USP44: variants seen among roughly 807,000 people sequenced by gnomAD.
USP44 encodes ubiquitin carboxyl-terminal hydrolase 44.
Under a neutral mutation model 69.0 loss-of-function variants are expected in USP44, and 61 were observed. The observed-to-expected ratio is 0.88, with a 90% confidence interval of 0.72 to 1.09. The LOEUF (loss-of-function observed/expected upper bound fraction) is 1.09. USP44 is among the 50% of genes least tolerant of loss of function. The pLI is 0.00. For missense variants in USP44, 753 were observed against 849.9 expected (o/e 0.89, Z 1.42); for synonymous variants, 297 against 295.4 (o/e 1.01, Z -0.06).
At chr12:95,521,898 AG>A (rs1194638774) in intron 4 of USP44, 7 of 349,286 alleles carry the variant, frequency 2.0e-5, no homozygotes, top group African/African-American at 1.3e-4. Flanking sequence ...AAAACAAAAC[AG>A]GGCATCTCTA....
chr12:95,541,266 ACT>A (rs1038347752), intron 1 of USP44, among the ~76,000 whole-genome samples: 1 of 152,040 alleles, frequency 6.6e-6, no homozygotes, highest in African/African-American at 2.4e-5. Context: ...ACAGAGTGAA[ACT>A]CTGTTTCAAA....
intron 1 of USP44, among the ~76,000 whole-genome samples, chr12:95,542,760 A>C (rs553118945): frequency 1.8e-4 from 27 of 148,260 alleles, no homozygotes; most frequent in South Asian, 8.6e-4. Context: ...CAAAAAAAAA[A>C]CCAAAACACA....
At chr12:95,530,780 TA>T (rs1249255463) in intron 2 of USP44, among the ~76,000 whole-genome samples, 1 of 152,034 alleles carries the variant, frequency 6.6e-6, no homozygotes, top group East Asian at 1.9e-4. Flanking sequence ...GACTCTGTCA[TA>T]AGGAAGTCAG....
At chr12:95,520,007 C>CAAAAAAAA (rs56348745) in intron 5 of USP44, among the ~76,000 whole-genome samples, 31 of 34,528 alleles carry the variant, frequency 9.0e-4, no homozygotes, top group African/African-American at 2.7e-3. Context: ...GACTCTGTCT[C>CAAAAAAAA]AAAAAAAAAA....
Position 95,520,702 on chromosome 12 carries a change from A to C in USP44, c.1939+295T>G, listed in dbSNP as rs76841585. Among the ~76,000 whole-genome samples, 224 of 152,316 alleles carry C rather than the reference A, an allele frequency of 1.5e-3. 1 individual carries two copies. The highest frequency in any genetic ancestry group is 5.2e-3 in the African/African-American group (216 of 41,574). On this transcript the variant is annotated intron_variant, in intron 5 of 5. Transcript: ENST00000258499. ...ACTGAAGTAAACCAGTAAACATACG[A>C]TCTGCTTTTTGAAGTGTGTCTTTAA...
intron 5 of USP44, 140 bp from the exon 6 acceptor site, chr12:95,518,493 G>T: frequency 1.2e-6 from 1 of 845,686 alleles, no homozygotes; most frequent in Admixed American, 2.8e-5. Context: ...TATAGATTGG[G>T]CAGTGTTACC....
chr12:95,539,867 C>G (rs1189335579), intron 1 of USP44, among the ~76,000 whole-genome samples: 1 of 152,174 alleles, frequency 6.6e-6, no homozygotes, highest in African/African-American at 2.4e-5. Flanking sequence ...GATTTTTAAT[C>G]AACCGTTTAT....
At chr12:95,537,421 C>A (rs548737966) in intron 1 of USP44, among the ~76,000 whole-genome samples, 2 of 152,072 alleles carry the variant, frequency 1.3e-5, no homozygotes, top group Non-Finnish European at 2.9e-5. Flanking sequence ...TGGGTTCAAG[C>A]GATTCTCCTG....
Position 95,518,027 on chromosome 12 carries a change from G to A in USP44, c.*127C>T, listed in dbSNP as rs532820212. ...TTTATACTTTGTAAAAAAAAAAATT[G>A]TTAGATATAAAATGTATAAATGTAG... On this transcript the variant is annotated 3_prime_UTR_variant, in exon 6 of 6. Coordinates refer to ENST00000258499, the MANE Select transcript of USP44 (RefSeq NM_032147.5). 31 of 982,628 alleles carry A rather than the reference G, an allele frequency of 3.2e-5. No individual in the cohort carries two copies. The highest frequency in any genetic ancestry group is 2.8e-4 in the Middle Eastern group (1 of 3,588). The allele number at this position is 982,628 out of a possible 1,614,324, so 60.9% of individuals were successfully genotyped here.
At position 95,529,006 on chromosome 12, in the gene USP44, C is replaced by A. The variant is rs769514915; in HGVS notation, c.1429-4G>T. 3 of 1,602,200 alleles carry A rather than the reference C, an allele frequency of 1.9e-6. No individual in the cohort carries two copies. The East Asian group carries it at 6.7e-5, about 36-fold the overall frequency. On this transcript the variant is annotated splice_region_variant and splice_polypyrimidine_tract_variant and intron_variant, in intron 2 of 5. Coordinates refer to ENST00000258499, the MANE Select transcript of USP44 (RefSeq NM_032147.5). ...TGTCACATGCAAGACATGTAACCTG[C>A]AAATGAGAATATGAGTTCCTAAGAT... is the stretch of plus-strand genomic sequence containing the variant.
intron 1 of USP44, among the ~76,000 whole-genome samples, chr12:95,536,002 T>A (rs1008911205): frequency 1.3e-5 from 2 of 151,102 alleles, no homozygotes; most frequent in African/African-American, 4.9e-5. Context: ...GTCCCAAATC[T>A]CACATGTTCA....
At position 95,528,952 on chromosome 12, in the gene USP44, C is replaced by T; in HGVS notation, c.1479G>A (p.Trp493Ter). The T allele has an allele frequency of 6.2e-7, 1 of 1,613,842 alleles. No homozygotes were observed. The highest frequency in any genetic ancestry group is 2.2e-5 in the East Asian group (1 of 44,848). ...TTTCTGGAAACTCCAATGACAAGTC[C>T]CAGAAAGGTTCTATGGTATTTGATT... ...DNKSNTIEPF[W>*]DLSLEFPERY... The change falls in exon 3 of 6, where the codon TGG becomes TGA. Residue 493 changes from tryptophan (W) to a stop codon, truncating the protein, a stop_gained. Coordinates refer to ENST00000258499, the MANE Select transcript of USP44 (RefSeq NM_032147.5). LOFTEE classifies it high-confidence loss of function.
intron 2 of USP44, 131 bp from the exon 3 acceptor site, chr12:95,529,133 CT>C: frequency 1.3e-6 from 1 of 751,830 alleles, no homozygotes; most frequent in Non-Finnish European, 1.9e-6. Context: ...GAATAATCTG[CT>C]TTATATTCTT....
intron 2 of USP44, among the ~76,000 whole-genome samples, 177 bp from the exon 3 acceptor site, chr12:95,529,179 A>G (rs1387222075): frequency 6.6e-6 from 1 of 152,138 alleles, no homozygotes; most frequent in African/African-American, 2.4e-5. Flanking sequence ...TTTCCTTCCA[A>G]AAGATTGTTA....
At chr12:95,550,660 A>AT (rs1233867215) in intron 1 of USP44, among the ~76,000 whole-genome samples, 5 of 152,214 alleles carry the variant, frequency 3.3e-5, no homozygotes, top group African/African-American at 1.2e-4. Context: ...TTATAATGCC[A>AT]TAAAACCATT....
In USP44 at chr12:95,524,760, T is replaced by A; in HGVS notation, c.1653A>T (p.Pro551=). 1 of 1,611,744 alleles carries A rather than the reference T, an allele frequency of 6.2e-7. No homozygotes were observed. Among genetic ancestry groups the A allele is most frequent in the Non-Finnish European group, 8.5e-7 (1 of 1,179,386 alleles). Residue 551 remains proline, a synonymous_variant, in exon 4 of 6, where the codon CCA becomes CCT. Transcript: ENST00000258499. ...GTTTCTGGGCTTCTGTGAGTACAAC[T>A]GGTTTGGAGGAAAACCTTCTACGCT... ...NSKRRRFSSK[P]VVLTEAQKQL...
chr12:95,528,976 T>C lies in USP44; in HGVS notation c.1455A>G (p.Lys485=), dbSNP rs756606071. The C allele has an allele frequency of 6.2e-7, 1 of 1,613,012 alleles. No homozygotes were observed. Among genetic ancestry groups the C allele is most frequent in the South Asian group, 1.1e-5 (1 of 90,814 alleles). Residue 485 remains lysine (K), a synonymous_variant, in exon 3 of 6, where the codon AAA becomes AAG. Coordinates refer to ENST00000258499, the MANE Select transcript of USP44 (RefSeq NM_032147.5). The stretch of plus-strand genomic sequence containing the variant: ...CCCAGAAAGGTTCTATGGTATTTGA[T>C]TTGTTGTCACATGCAAGACATGTAA... The part of the protein sequence containing the change: ...SQVTCLACDN[K]SNTIEPFWDL...
At chr12:95,542,799 T>A (rs539127849) in intron 1 of USP44, among the ~76,000 whole-genome samples, 3 of 149,468 alleles carry the variant, frequency 2.0e-5, no homozygotes, top group African/African-American at 7.4e-5. Flanking sequence ...TTGAAAATAG[T>A]AAGTCCTTGG....
chr12:95,537,356 T>C (rs938001308), intron 1 of USP44, among the ~76,000 whole-genome samples: 1 of 152,148 alleles, frequency 6.6e-6, no homozygotes, highest in Non-Finnish European at 1.5e-5. Context: ...TCTCACTCTG[T>C]CGCCCAGGCT....
Sources: gnomAD v4.1 joint callset for allele counts (sites outside exome capture counted in the v4.1 genomes callset) on GRCh38, gnomAD v4.1.1 for gene constraint, MANE v1.5 for transcripts, NCBI Gene and HGNC (gene_info 2026-07-23, HGNC 2026-07-21) for gene names.